SH3GL3: variants seen among roughly 807,000 people sequenced by gnomAD.
SH3GL3 encodes the protein endophilin-A3.
In SH3GL3, 33 loss-of-function variants were observed where a neutral mutation model predicts 47.7. The observed-to-expected ratio is 0.69, with a 90% CI of 0.52 to 0.92. The LOEUF (loss-of-function observed/expected upper bound fraction) is 0.92. Among genes scored for constraint, SH3GL3 ranks in the 40% least tolerant of loss-of-function variants. The pLI is 0.00. For missense variants in SH3GL3, 363 were observed against 417.8 expected (o/e 0.87, Z 1.14); for synonymous variants, 155 against 148.8 (o/e 1.04, Z -0.30).
intron 1 of SH3GL3, among the ~76,000 whole-genome samples, chr15:83,545,804 T>C (rs1386471893): frequency 6.6e-6 from 1 of 152,210 alleles, no homozygotes; most frequent in Non-Finnish European, 1.5e-5. Flanking sequence ...TCAGTGGTCT[T>C]GGGTAAGATC....
the SH3GL3 span, among the ~76,000 whole-genome samples, chr15:83,629,242 A>G: frequency 3.3e-5 from 5 of 152,232 alleles, no homozygotes; most frequent in African/African-American, 1.2e-4. Flanking sequence ...AATTATACAG[A>G]AATCCAAAAG....
chr15:83,633,452 T>C, the SH3GL3 span, among the ~76,000 whole-genome samples: 1 of 152,214 alleles, frequency 6.6e-6, no homozygotes, highest in Non-Finnish European at 1.5e-5. Context: ...TATCTAACGA[T>C]GTGCTTAGAA....
In SH3GL3 at chr15:83,618,294, A is replaced by T; in HGVS notation, c.*7A>T. ...CGTGCCTTTACCTCAGTAAATGTGT[A>T]ACACAAACTCTGGACATACTTTCGT... On this transcript the variant is annotated 3_prime_UTR_variant, in exon 9 of 9. Transcript: ENST00000427482. 6.4e-7 allele frequency: 1 copy of T among 1,551,142 alleles called. No homozygotes were observed. Among genetic ancestry groups the T allele is most frequent in the Non-Finnish European group, 8.9e-7 (1 of 1,122,446 alleles).
the SH3GL3 span, among the ~76,000 whole-genome samples, chr15:83,623,937 C>G: frequency 1.2e-3 from 178 of 152,240 alleles, no homozygotes; most frequent in African/African-American, 4.2e-3. Context: ...ACGTGCCCAC[C>G]ACCACACCCA....
intron 2 of SH3GL3, 109 bp from the exon 3 acceptor site, chr15:83,565,025 C>T: frequency 1.8e-6 from 1 of 544,302 alleles, no homozygotes; most frequent in Non-Finnish European, 3.2e-6. Flanking sequence ...TTAAAATCAT[C>T]ATAATCGTGT....
At position 83,576,113 on chromosome 15, in the gene SH3GL3, C is replaced by T. The variant is rs151024483; in HGVS notation, c.466-470C>T. ...ATTTCTTGATTGTTTGGGAACTTTACGGAGATCCGTTAATATTCTAAGGGA... is the reference window on the plus strand; with the variant it reads ...ATTTCTTGATTGTTTGGGAACTTTATGGAGATCCGTTAATATTCTAAGGGA... On this transcript the variant is annotated intron_variant, in intron 5 of 8. Transcript: ENST00000427482. Among the ~76,000 whole-genome samples, 645 of 152,200 alleles carry T rather than the reference C, an allele frequency of 4.2e-3. 4 individuals carry two copies. The highest frequency in any genetic ancestry group is 0.015 in the African/African-American group (620 of 41,516).
intron 1 of SH3GL3, among the ~76,000 whole-genome samples, chr15:83,526,543 C>A (rs1280789869): frequency 2.6e-5 from 4 of 152,060 alleles, no homozygotes; most frequent in Admixed American, 2.0e-4. Context: ...AGGCCATTAT[C>A]GTTAACAAAG....
chr15:83,611,326 C>T (rs977269439), intron 8 of SH3GL3: 46 of 152,044 alleles, frequency 3.0e-4, no homozygotes, highest in African/African-American at 1.1e-3. Flanking sequence ...CAGGGACACT[C>T]CCTTTTCTCT....
intron 1 of SH3GL3, among the ~76,000 whole-genome samples, chr15:83,467,046 T>C (rs1390079244): frequency 6.6e-6 from 1 of 152,186 alleles, no homozygotes; most frequent in Non-Finnish European, 1.5e-5. Flanking sequence ...AGTTTTACAT[T>C]TTGATGAAGT....
At chr15:83,562,173 A>T (rs1200807487) in intron 2 of SH3GL3, among the ~76,000 whole-genome samples, 1 of 147,444 alleles carries the variant, frequency 6.8e-6, no homozygotes, top group Non-Finnish European at 1.5e-5. Flanking sequence ...TTGAATGCTC[A>T]TCTTGACTCC....
At chr15:83,516,469 G>A (rs967126768) in intron 1 of SH3GL3, among the ~76,000 whole-genome samples, 1 of 152,172 alleles carries the variant, frequency 6.6e-6, no homozygotes, top group African/African-American at 2.4e-5. Flanking sequence ...TAATTTATAA[G>A]AAAAGAGATT....
chr15:83,542,855 A>G (rs1465781801), intron 1 of SH3GL3, among the ~76,000 whole-genome samples: 2 of 152,126 alleles, frequency 1.3e-5, no homozygotes, highest in Non-Finnish European at 2.9e-5. Flanking sequence ...TGGTTCTAAT[A>G]CCTTTCTGAT....
chr15:83,566,941 T>C (rs1298144465), intron 3 of SH3GL3, among the ~76,000 whole-genome samples: 1 of 152,202 alleles, frequency 6.6e-6, no homozygotes, highest in Non-Finnish European at 1.5e-5. Flanking sequence ...CCTTGGGTTA[T>C]TTACATACAC....
At chr15:83,597,201 C>T in intron 8 of SH3GL3, among the ~76,000 whole-genome samples, 1 of 152,210 alleles carries the variant, frequency 6.6e-6, no homozygotes, top group Non-Finnish European at 1.5e-5. Context: ...GTCCTTGCCT[C>T]ATTGCCCCTT....
At chr15:83,478,976 T>C (rs2041219393) in intron 1 of SH3GL3, among the ~76,000 whole-genome samples, 1 of 152,226 alleles carries the variant, frequency 6.6e-6, no homozygotes, top group Non-Finnish European at 1.5e-5. Context: ...TTTAGAAATG[T>C]CCTCTTTCTA....
chr15:83,560,894 C>CT (rs1252031714), intron 2 of SH3GL3, among the ~76,000 whole-genome samples: 2 of 151,968 alleles, frequency 1.3e-5, no homozygotes, highest in African/African-American at 4.8e-5. Context: ...ATTAAAAAAG[C>CT]TTTTTAATTA....
At chr15:83,561,640 C>T (rs1386441027) in intron 2 of SH3GL3, among the ~76,000 whole-genome samples, 1 of 152,020 alleles carries the variant, frequency 6.6e-6, no homozygotes, top group Non-Finnish European at 1.5e-5. Context: ...TTTAGAAAAG[C>T]TGTAAGACAA....
intron 8 of SH3GL3, chr15:83,609,538 A>T (rs2060610369): frequency 6.2e-6 from 2 of 322,996 alleles, no homozygotes; most frequent in South Asian, 5.0e-5. Context: ...TGTATGAATT[A>T]CTTCTCTCTC....
chr15:83,511,617 G>A (rs1261775019), intron 1 of SH3GL3, among the ~76,000 whole-genome samples: 1 of 151,812 alleles, frequency 6.6e-6, no homozygotes, highest in Non-Finnish European at 1.5e-5. Flanking sequence ...CTACTACTAC[G>A]GGTATTTACT....
Sources: gnomAD v4.1 joint callset for allele counts (sites outside exome capture counted in the v4.1 genomes callset) on GRCh38, gnomAD v4.1.1 for gene constraint, MANE v1.5 for transcripts, NCBI Gene and HGNC (gene_info 2026-07-23, HGNC 2026-07-21) for gene names.